The following UGGT2 variants were observed in gnomAD, a reference collection of about 807,000 sequenced individuals.
UGGT2 encodes UDP-glucose:glycoprotein glucosyltransferase 2.
UGGT2 carries 180 observed loss-of-function variants against 192.1 expected under a neutral mutation model. The ratio of observed to expected loss-of-function variants is 0.94; its 90% CI spans 0.83 to 1.06. UGGT2 has a LOEUF of 1.06. Ranked by LOEUF, UGGT2 falls within the 50% of genes least tolerant of loss-of-function variation. UGGT2 has a pLI of 0.00. For missense variants in UGGT2, 1,849 were observed against 1,795.7 expected (o/e 1.03, Z -0.54); for synonymous variants, 580 against 591.0 (o/e 0.98, Z 0.27).
intron 29 of UGGT2, among the ~76,000 whole-genome samples, chr13:95,873,772 C>G (rs1316373163): frequency 6.6e-6 from 1 of 152,122 alleles, no homozygotes; most frequent in African/African-American, 2.4e-5. Flanking sequence ...CAGGTTTTCT[C>G]GAGGATGCTG....
rs375158489 is a variant in UGGT2 at position 96,023,035 on chromosome 13, T to C, written c.485+5A>G. 1.3e-6 allele frequency: 2 copies of C among 1,570,634 alleles called. No individual in the cohort carries two copies. Among genetic ancestry groups the C allele is most frequent in the African/African-American group, 1.4e-5 (1 of 73,762 alleles). ...TTCTTTCATTATAGGCTATTATTAA[T>C]TTACCTTGAAGCAGCTTTCTTCAGC... On this transcript the variant is annotated splice_donor_5th_base_variant and intron_variant, in intron 4 of 38. Transcript: ENST00000376747.
intron 20 of UGGT2, among the ~76,000 whole-genome samples, chr13:95,916,754 C>A (rs1594319723): frequency 6.6e-6 from 1 of 151,998 alleles, no homozygotes; most frequent in East Asian, 1.9e-4. Context: ...CTTCACAATG[C>A]AACCACAAGT....
chr13:95,911,104 T>A lies in UGGT2; in HGVS notation c.2296-8044A>T, dbSNP rs188512477. 2.4e-3 allele frequency among the ~76,000 whole-genome samples: 359 copies of A among 152,260 alleles called. 2 individuals are homozygous for A. Among genetic ancestry groups the A allele is most frequent in the African/African-American group, 8.3e-3 (345 of 41,536 alleles). On this transcript the variant is annotated intron_variant, in intron 20 of 38. Transcript: ENST00000376747. ...TTTAAAGCAGTGTGTAGAGGGAAAT[T>A]TATACTACTAAATGCCTATAAGAGA...
chr13:95,974,133 A>C (rs1172140942), intron 10 of UGGT2, among the ~76,000 whole-genome samples: 1 of 152,214 alleles, frequency 6.6e-6, no homozygotes, highest in African/African-American at 2.4e-5. Flanking sequence ...CACACAGAGG[A>C]GGGAGAAGAA....
chr13:95,856,592 A>G, intron 33 of UGGT2: 1 of 464,230 alleles, frequency 2.2e-6, no homozygotes, highest in Non-Finnish European at 3.9e-6. Flanking sequence ...ATTATTTAAC[A>G]AACTTATTAA....
chr13:95,971,576 A>G (rs2050774835), intron 11 of UGGT2, among the ~76,000 whole-genome samples: 1 of 152,194 alleles, frequency 6.6e-6, no homozygotes, highest in African/African-American at 2.4e-5. Context: ...ACACTACCTT[A>G]GAAAACTTTC....
At chr13:96,026,426 T>C (rs759917673) in intron 2 of UGGT2, among the ~76,000 whole-genome samples, 11 of 152,114 alleles carry the variant, frequency 7.2e-5, no homozygotes, top group Non-Finnish European at 1.5e-4. Context: ...ATTGGTATAA[T>C]TGTTTAATTT....
intron 1 of UGGT2, among the ~76,000 whole-genome samples, chr13:96,040,169 T>C (rs554340750): frequency 6.6e-6 from 1 of 152,346 alleles, no homozygotes; most frequent in Non-Finnish European, 1.5e-5. Flanking sequence ...ATTAGTTTCC[T>C]AGATCTGTTT....
intron 36 of UGGT2, among the ~76,000 whole-genome samples, chr13:95,850,622 C>T (rs1002496410): frequency 6.6e-6 from 1 of 152,200 alleles, no homozygotes; most frequent in African/African-American, 2.4e-5. Flanking sequence ...CTCCTACTTA[C>T]CCAGGCTCAT....
intron 1 of UGGT2, among the ~76,000 whole-genome samples, chr13:96,047,419 G>T (rs2053349078): frequency 6.6e-6 from 1 of 152,206 alleles, no homozygotes; most frequent in African/African-American, 2.4e-5. Context: ...CTGACTGTTA[G>T]AAGTAAAACT....
chr13:95,828,171 G>C (rs1886241996), intron 38 of UGGT2, among the ~76,000 whole-genome samples: 1 of 152,132 alleles, frequency 6.6e-6, no homozygotes, highest in Non-Finnish European at 1.5e-5. Flanking sequence ...ACTTAAAGCA[G>C]TGTGTAGAGG....
In UGGT2 at chr13:95,870,288, C is replaced by T. The variant is rs1891107676; in HGVS notation, c.3474-2865G>A. ...ATACACTGCAGTAGTTAGAAAGATACACCCATTTTTGTTGTTGTTGTTACT... is the reference window on the plus strand; with the variant it reads ...ATACACTGCAGTAGTTAGAAAGATATACCCATTTTTGTTGTTGTTGTTACT... On this transcript the variant is annotated intron_variant, in intron 29 of 38. Transcript: ENST00000376747. 2.6e-5 allele frequency among the ~76,000 whole-genome samples: 4 copies of T among 152,248 alleles called. No individual in the cohort carries two copies. The South Asian group carries it at 6.2e-4, about 24-fold the overall frequency.
chr13:95,892,065 G>A (rs2047817553), intron 24 of UGGT2, among the ~76,000 whole-genome samples: 1 of 152,096 alleles, frequency 6.6e-6, no homozygotes, highest in South Asian at 2.1e-4. Flanking sequence ...GTTGCTTCCT[G>A]TAGTTACCTT....
Position 95,928,375 on chromosome 13 carries a change from G to A in UGGT2, c.1978-1039C>T, listed in dbSNP as rs368951352. 4.7e-4 allele frequency among the ~76,000 whole-genome samples: 41 copies of A among 86,846 alleles called. No individual in the cohort carries two copies. In the East Asian group the frequency reaches 0.012, roughly 25 times the overall value. The allele number at this position is 86,846 out of a possible 152,430, so 57.0% of individuals were successfully genotyped here. A position where few individuals can be genotyped will look rare whatever the true frequency, so the allele number is the denominator to read the frequency against. ...CTCCCGGACAGGACGGCTGCCGGGC[G>A]GAGACGCTCCTCACTTCCCGGACGG... On this transcript the variant is annotated intron_variant, in intron 17 of 38. Transcript: ENST00000376747.
chr13:95,919,648 G>A, intron 20 of UGGT2, among the ~76,000 whole-genome samples: 1 of 152,080 alleles, frequency 6.6e-6, no homozygotes, highest in Admixed American at 6.5e-5. Flanking sequence ...GCTAACAAGG[G>A]AAGTATAGAA....
intron 29 of UGGT2, among the ~76,000 whole-genome samples, chr13:95,874,720 C>T (rs1891514874): frequency 6.6e-6 from 1 of 151,920 alleles, no homozygotes; most frequent in Non-Finnish European, 1.5e-5. Flanking sequence ...GAGACAGGGT[C>T]TCACTCTGTT....
chr13:96,007,248 C>T (rs969228844), intron 5 of UGGT2, among the ~76,000 whole-genome samples: 1 of 152,150 alleles, frequency 6.6e-6, no homozygotes, highest in Admixed American at 6.5e-5. Flanking sequence ...TTCAACATCT[C>T]TTTCTGACAA....
intron 25 of UGGT2, among the ~76,000 whole-genome samples, chr13:95,890,356 G>C (rs2047764989): frequency 6.6e-6 from 1 of 152,086 alleles, no homozygotes; most frequent in Non-Finnish European, 1.5e-5. Context: ...TCTGGAGGCT[G>C]GGAATTCCAA....
At chr13:96,001,166 G>T (rs61972955) in intron 5 of UGGT2, among the ~76,000 whole-genome samples, 1 of 152,164 alleles carries the variant, frequency 6.6e-6, no homozygotes, top group East Asian at 1.9e-4. Context: ...TGCCCAGATG[G>T]CCTGAAGTAA....
Sources: allele counts gnomAD v4.1 joint callset (sites outside exome capture counted in the v4.1 genomes callset), GRCh38; gene constraint gnomAD v4.1.1; transcripts MANE v1.5; gene names NCBI Gene and HGNC (gene_info 2026-07-23, HGNC 2026-07-21).